Variants in SKAP1 observed in about 807,000 individuals in gnomAD.
The protein encoded by SKAP1 is src kinase-associated phosphoprotein 1.
SKAP1 carries 44 observed loss-of-function variants against 58.5 expected under a neutral mutation model. The ratio of observed to expected loss-of-function variants is 0.75; its 90% CI spans 0.59 to 0.97. SKAP1 has a LOEUF of 0.97. SKAP1 is among the 50% of genes least tolerant of loss of function. SKAP1 has a pLI of 0.00. For missense variants in SKAP1, 390 were observed against 435.2 expected (o/e 0.90, Z 0.92); for synonymous variants, 127 against 149.7 (o/e 0.85, Z 1.11).
intron 2 of SKAP1, among the ~76,000 whole-genome samples, chr17:48,367,345 T>C (rs1197213840): frequency 6.6e-6 from 1 of 151,948 alleles, no homozygotes; most frequent in Non-Finnish European, 1.5e-5. Flanking sequence ...TCTGAGGATC[T>C]AATGTACAGC....
chr17:48,328,789 C>T (rs900968800), intron 4 of SKAP1, among the ~76,000 whole-genome samples: 1 of 152,096 alleles, frequency 6.6e-6, no homozygotes, highest in African/African-American at 2.4e-5. Context: ...TACCTTGCCC[C>T]TCTGACCTTC....
intron 4 of SKAP1, among the ~76,000 whole-genome samples, chr17:48,204,944 C>A (rs1466027221): frequency 1.5e-5 from 2 of 135,180 alleles, no homozygotes; most frequent in Non-Finnish European, 3.3e-5. Context: ...TTCCTTCCTC[C>A]CTCCCTCCTT....
At chr17:48,305,346 G>T (rs564726184) in intron 4 of SKAP1, among the ~76,000 whole-genome samples, 1 of 152,052 alleles carries the variant, frequency 6.6e-6, no homozygotes, top group Non-Finnish European at 1.5e-5. Context: ...CACTGCACCT[G>T]GCCTATAATA....
chr17:48,177,503 A>G (rs2064306818), intron 9 of SKAP1, among the ~76,000 whole-genome samples: 1 of 152,172 alleles, frequency 6.6e-6, no homozygotes, highest in South Asian at 2.1e-4. Flanking sequence ...CACAGCTAGC[A>G]GGTGGCAGAG....
rs2066001742 is a variant in SKAP1 at position 48,297,929 on chromosome 17, T to C, written c.280+47976A>G. Among the ~76,000 whole-genome samples the C allele has an allele frequency of 3.3e-5, 5 of 152,270 alleles. No individual in the cohort carries two copies. In the South Asian group the frequency reaches 1.0e-3, roughly 32 times the overall value. On this transcript the variant is annotated intron_variant, in intron 4 of 12. Transcript: ENST00000336915. ...CCTGAATAATATAAGCGGGAAAAGG[T>C]CCAAGAAGGGAGATTTCTTAGTTTA...
intron 4 of SKAP1, among the ~76,000 whole-genome samples, chr17:48,306,315 C>T (rs1013161238): frequency 1.3e-5 from 2 of 152,066 alleles, no homozygotes; most frequent in Admixed American, 1.3e-4. Flanking sequence ...CAACACAACC[C>T]CAGATTTTGC....
intron 1 of SKAP1, among the ~76,000 whole-genome samples, chr17:48,404,649 T>C (rs2067547112): frequency 6.6e-6 from 1 of 151,878 alleles, no homozygotes; most frequent in Non-Finnish European, 1.5e-5. Context: ...GAAGTGTAAA[T>C]GTAATAAAAG....
chr17:48,247,392 A>G (rs1346293684), intron 4 of SKAP1, among the ~76,000 whole-genome samples: 1 of 152,212 alleles, frequency 6.6e-6, no homozygotes, highest in Non-Finnish European at 1.5e-5. Context: ...TGCCAATACT[A>G]TGCAGCATAT....
At chr17:48,242,088 C>T (rs1318553426) in intron 4 of SKAP1, among the ~76,000 whole-genome samples, 5 of 152,194 alleles carry the variant, frequency 3.3e-5, no homozygotes, top group Non-Finnish European at 5.9e-5. Context: ...TATTATTTTT[C>T]TCTGCGTTTG....
intron 10 of SKAP1, among the ~76,000 whole-genome samples, chr17:48,165,526 G>A (rs549937247): frequency 4.9e-4 from 75 of 151,626 alleles, no homozygotes; most frequent in Non-Finnish European, 6.9e-4. Context: ...TCAGCCTCCC[G>A]GGTAGCTGGG....
At chr17:48,328,636 A>G (rs1419639540) in intron 4 of SKAP1, among the ~76,000 whole-genome samples, 1 of 152,126 alleles carries the variant, frequency 6.6e-6, no homozygotes, top group African/African-American at 2.4e-5. Context: ...TTTACCTTTC[A>G]ATCTGTGCAA....
chr17:48,408,990 G>A (rs921625492), intron 1 of SKAP1, among the ~76,000 whole-genome samples: 1 of 152,164 alleles, frequency 6.6e-6, no homozygotes, highest in African/African-American at 2.4e-5. Flanking sequence ...AACCTGATGG[G>A]TTTTCCACTA....
At chr17:48,148,634 C>T (rs1204242683) in intron 11 of SKAP1, among the ~76,000 whole-genome samples, 1 of 152,166 alleles carries the variant, frequency 6.6e-6, no homozygotes, top group African/African-American at 2.4e-5. Context: ...GAGAGAGGCG[C>T]CTTGAATCTC....
chr17:48,346,903 G>A (rs2066730493), intron 3 of SKAP1, among the ~76,000 whole-genome samples: 1 of 152,110 alleles, frequency 6.6e-6, no homozygotes, highest in South Asian at 2.1e-4. Flanking sequence ...CTAGGCAACC[G>A]ACCTCTTAGG....
In SKAP1 at chr17:48,265,501, A is replaced by AAAGCAAGC. The variant is rs201049578; in HGVS notation, c.281-76009_281-76002dup. On this transcript the variant is annotated intron_variant, in intron 4 of 12. Coordinates refer to ENST00000336915, the MANE Select transcript of SKAP1 (RefSeq NM_003726.4). The stretch of plus-strand genomic sequence containing the variant: ...GCCTGGGCCTGTCTCAAAAAAAAAA[A>AAAGCAAGC]AAGCAAGCAAGCAAGCAAGCAAGCA... Among the ~76,000 whole-genome samples, 112 of 148,424 alleles carry AAAGCAAGC rather than the reference A, an allele frequency of 7.5e-4. 2 individuals are homozygous for AAAGCAAGC. Among genetic ancestry groups the AAAGCAAGC allele is most frequent in the South Asian group, 8.6e-4 (4 of 4,636 alleles).
chr17:48,203,723 A>G (rs2064758821), intron 4 of SKAP1: 1 of 152,116 alleles, frequency 6.6e-6, no homozygotes, highest in Non-Finnish European at 1.5e-5. Flanking sequence ...CACATATTGG[A>G]TGGCTAAGGT....
chr17:48,232,057 C>CT (rs1270727477), intron 4 of SKAP1, among the ~76,000 whole-genome samples: 2 of 152,246 alleles, frequency 1.3e-5, no homozygotes, highest in Non-Finnish European at 2.9e-5. Context: ...TCTTAACCCC[C>CT]TTTTCTTCAC....
chr17:48,397,427 T>C (rs2067435750), intron 1 of SKAP1, among the ~76,000 whole-genome samples: 1 of 152,212 alleles, frequency 6.6e-6, no homozygotes. Context: ...GTTTTCATCA[T>C]GTTGCCCAGG....
chr17:48,271,971 CT>C (rs2065638955), intron 4 of SKAP1, among the ~76,000 whole-genome samples: 1 of 152,108 alleles, frequency 6.6e-6, no homozygotes, highest in African/African-American at 2.4e-5. Flanking sequence ...TATACTTCTT[CT>C]GAATCTCAAA....
Sources: gnomAD v4.1 joint callset for allele counts (sites outside exome capture counted in the v4.1 genomes callset) on GRCh38, gnomAD v4.1.1 for gene constraint, MANE v1.5 for transcripts, NCBI Gene and HGNC (gene_info 2026-07-23, HGNC 2026-07-21) for gene names.